Variants in CELF2 observed in about 807,000 individuals in gnomAD.
The protein encoded by CELF2 is CUGBP Elav-like family member 2, also known as CUG triplet repeat RNA-binding protein 2.
A neutral mutation model predicts 62.6 loss-of-function variants in CELF2; 8 were observed. That is an observed-to-expected ratio of 0.13 (90% CI 0.07 to 0.23). CELF2 has a LOEUF of 0.23. Ranked by LOEUF, CELF2 falls within the 10% of genes least tolerant of loss-of-function variation. The probability of loss-of-function intolerance (pLI) is 1.00; values close to 1 mark genes in which losing one functional copy is unlikely to be tolerated. For missense variants in CELF2, 333 were observed against 671.0 expected, an observed-to-expected ratio of 0.50 and a Z score of 5.56; for synonymous variants, 258 against 250.0, an observed-to-expected ratio of 1.03 and a Z score of -0.30.
chr10:11,202,767 C>T (rs753296378), intron 2 of CELF2, among the ~76,000 whole-genome samples: 15 of 152,090 alleles, frequency 9.9e-5, no homozygotes, highest in Admixed American at 2.0e-4. Flanking sequence ...ATATTATTAT[C>T]ATTTGTTATC....
At chr10:10,893,127 C>A (rs2062269471) in intron 1 of CELF2, among the ~76,000 whole-genome samples, 1 of 152,170 alleles carries the variant, frequency 6.6e-6, no homozygotes, top group Non-Finnish European at 1.5e-5. Flanking sequence ...CTTTAAAATA[C>A]AGCAGCAAAT....
chr10:11,054,489 T>TGTGTGTGTGTGTGTG (rs1554804023), intron 1 of CELF2, among the ~76,000 whole-genome samples: 3 of 149,472 alleles, frequency 2.0e-5, no homozygotes, highest in African/African-American at 7.4e-5. Flanking sequence ...GTATGTGTGT[T>TGTGTGTGTGTGTGTG]TGTGTGTGTG....
At chr10:10,566,402 A>ATT in the CELF2 span, among the ~76,000 whole-genome samples, 8 of 142,520 alleles carry the variant, frequency 5.6e-5, no homozygotes, top group African/African-American at 2.1e-4. Context: ...GCACTTAGGG[A>ATT]TTTTTTTTTT....
At chr10:10,576,536 G>A in the CELF2 span, among the ~76,000 whole-genome samples, 1 of 152,022 alleles carries the variant, frequency 6.6e-6, no homozygotes, top group South Asian at 2.1e-4. Context: ...GAACCCGATG[G>A]TACCACAACA....
chr10:10,558,358 A>G, the CELF2 span, among the ~76,000 whole-genome samples: 2 of 151,276 alleles, frequency 1.3e-5, no homozygotes, highest in Non-Finnish European at 3.0e-5. Context: ...CGTATATTGA[A>G]CCAGCCTTGC....
At chr10:10,520,440 C>T in the CELF2 span, among the ~76,000 whole-genome samples, 788 of 152,224 alleles carry the variant, frequency 5.2e-3, 4 homozygotes, top group African/African-American at 0.018. Flanking sequence ...GCACTGGATA[C>T]CACAAGAGCC....
the CELF2 span, among the ~76,000 whole-genome samples, chr10:10,522,560 G>T: frequency 6.6e-6 from 1 of 152,110 alleles, no homozygotes; most frequent in Non-Finnish European, 1.5e-5. Context: ...AGGTGGTGGT[G>T]GTTGTTGTTG....
upstream of CELF2, among the ~76,000 whole-genome samples, chr10:11,017,501 G>A (rs1291689216): frequency 4.6e-5 from 7 of 152,072 alleles, no homozygotes; most frequent in Admixed American, 3.9e-4. The surrounding 1 kb of genome is among the most constrained non-coding windows in gnomAD (Gnocchi z 5.5). Context: ...CTTAGTTCCT[G>A]CCCGGGCAAG....
chr10:11,083,438 C>T (rs184341036), intron 1 of CELF2, among the ~76,000 whole-genome samples: 7 of 152,210 alleles, frequency 4.6e-5, no homozygotes, highest in South Asian at 4.2e-4. Context: ...CTAGGAGTAG[C>T]GTGATGATGG....
chr10:11,165,916 G>A lies in CELF2; in HGVS notation c.271+234G>A, dbSNP rs2066985649. On this transcript the variant is annotated intron_variant, in intron 2 of 12. Coordinates refer to ENST00000633077, the MANE Select transcript of CELF2 (RefSeq NM_001326342.2). This position sits in a 1 kb window ranked among gnomAD's most constrained non-coding sequence, Gnocchi z 7.4. Reference sequence around the variant, plus strand: ...AGAGAGGGACCGAGGCAGGGCGGGAGCGCAGAGGCTCGGTCCAGGCGCGTG... The same window carrying A: ...AGAGAGGGACCGAGGCAGGGCGGGAACGCAGAGGCTCGGTCCAGGCGCGTG... 6.6e-6 allele frequency among the ~76,000 whole-genome samples: 1 copy of A among 152,262 alleles called. No homozygotes were observed. The highest frequency in any genetic ancestry group is 6.5e-5 in the Admixed American group (1 of 15,294).
intron 1 of CELF2, among the ~76,000 whole-genome samples, chr10:11,094,843 A>T (rs1268388768): frequency 6.6e-6 from 1 of 152,218 alleles, no homozygotes; most frequent in Non-Finnish European, 1.5e-5. Context: ...AGTAGGGGAC[A>T]TTGACAAGAA....
rs2096062480 is a variant in CELF2, at chr10:11,333,250, T to C, written c.*4197T>C. ...TTTGCCCTTCTCCAAAAAATAACCT[T>C]CCACAGAGACAAACTGTCCTTCTAT... On this transcript the variant is annotated 3_prime_UTR_variant, in exon 13 of 13. Coordinates refer to ENST00000633077, the MANE Select transcript of CELF2 (RefSeq NM_001326342.2). The C allele has an allele frequency of 1.3e-5, 2 of 152,450 alleles. No homozygotes were observed. Among genetic ancestry groups the C allele is most frequent in the African/African-American group, 4.8e-5 (2 of 41,438 alleles). 9.4% of individuals were successfully genotyped at this position (152,450 alleles called of 1,614,324 possible).
the CELF2 span, among the ~76,000 whole-genome samples, chr10:10,674,812 C>T: frequency 1.3e-5 from 2 of 151,838 alleles, no homozygotes. Context: ...TGTGAGTGTG[C>T]CACTTGTGTG....
chr10:10,950,531 T>C (rs1178758175), intron 2 of CELF2, among the ~76,000 whole-genome samples: 4 of 152,128 alleles, frequency 2.6e-5, no homozygotes, highest in Admixed American at 1.3e-4. Flanking sequence ...ATTTCTTTAA[T>C]AGCGCCTTAT....
the CELF2 span, among the ~76,000 whole-genome samples, chr10:10,720,366 G>C: frequency 6.6e-6 from 1 of 152,136 alleles, no homozygotes; most frequent in Non-Finnish European, 1.5e-5. Context: ...GGAGCTGCCC[G>C]GAGATGGCTC....
At chr10:10,743,103 CAG>C in the CELF2 span, among the ~76,000 whole-genome samples, 1 of 152,182 alleles carries the variant, frequency 6.6e-6, no homozygotes, top group Non-Finnish European at 1.5e-5. Flanking sequence ...TTAGATCCCA[CAG>C]AGTTTACTTT....
chr10:11,049,240 T>G (rs1470250626), intron 1 of CELF2, among the ~76,000 whole-genome samples: 1 of 152,056 alleles, frequency 6.6e-6, no homozygotes, highest in Non-Finnish European at 1.5e-5. Flanking sequence ...CTGCCTGTCT[T>G]TTTTTCTCCT....
chr10:11,122,387 A>G (rs1443944831), intron 1 of CELF2, among the ~76,000 whole-genome samples: 1 of 152,244 alleles, frequency 6.6e-6, no homozygotes, highest in Non-Finnish European at 1.5e-5. Flanking sequence ...TCTGCTTTAC[A>G]TAATACAGAG....
At chr10:10,503,519 TA>T in the CELF2 span, among the ~76,000 whole-genome samples, 1 of 151,948 alleles carries the variant, frequency 6.6e-6, no homozygotes, top group Non-Finnish European at 1.5e-5. Flanking sequence ...AATCAGATAT[TA>T]ATATAGCCAC....
Sources: allele counts gnomAD v4.1 joint callset (sites outside exome capture counted in the v4.1 genomes callset), GRCh38; gene constraint gnomAD v4.1.1; non-coding constraint Gnocchi (gnomAD v3.1); transcripts MANE v1.5; gene names NCBI Gene and HGNC (gene_info 2026-07-23, HGNC 2026-07-21).